The following PLAA variants were observed in gnomAD, a reference collection of about 807,000 sequenced individuals.
The protein encoded by PLAA is phospholipase A-2-activating protein.
In PLAA, 48 loss-of-function variants were observed where a neutral mutation model predicts 84.1. The ratio of observed to expected loss-of-function variants is 0.57; its 90% CI spans 0.45 to 0.73. The LOEUF is 0.73. PLAA is among the 30% of genes least tolerant of loss of function. PLAA has a pLI of 0.00. For missense variants in PLAA, 903 were observed against 954.7 expected (o/e 0.95, Z 0.71); for synonymous variants, 392 against 336.6 (o/e 1.16, Z -1.80).
intron 13 of PLAA, among the ~76,000 whole-genome samples, chr9:26,907,017 T>A (rs1587145711): frequency 1.6e-5 from 2 of 123,734 alleles, no homozygotes; most frequent in Admixed American, 8.9e-5. Context: ...GCAAAATCCA[T>A]AATATGGGAC....
At chr9:26,916,221 T>C in intron 10 of PLAA, 1 of 985,420 alleles carries the variant, frequency 1.0e-6, no homozygotes. Flanking sequence ...TTGTCATTTT[T>C]ATAGCTCACA....
Position 26,913,854 on chromosome 9 carries a change from AG to A in PLAA, c.1555+24del. ...AACGAATTTTTAAAATCTAAAAAAA[AG>A]AAAAAGAAATAAAAAGTATGTACCT... On this transcript the variant is annotated intron_variant, in intron 11 of 13. Coordinates refer to ENST00000397292, the MANE Select transcript of PLAA (RefSeq NM_001031689.3). 6 of 1,506,484 alleles carry A rather than the reference AG, an allele frequency of 4.0e-6. No homozygotes were observed. In the South Asian group the frequency reaches 6.3e-5, roughly 16 times the overall value. 93.3% of individuals were successfully genotyped at this position (1,506,484 alleles called of 1,614,324 possible).
At chr9:26,918,990 A>AAG (rs1824664920) in intron 9 of PLAA, among the ~76,000 whole-genome samples, 1 of 152,240 alleles carries the variant, frequency 6.6e-6, no homozygotes, top group Admixed American at 6.5e-5. Context: ...ATGTGAAAAA[A>AAG]AGATTTACTA....
At chr9:26,933,551 G>A (rs1240000594) in intron 2 of PLAA, among the ~76,000 whole-genome samples, 1 of 151,830 alleles carries the variant, frequency 6.6e-6, no homozygotes, top group East Asian at 1.9e-4. Flanking sequence ...CAATATGGAA[G>A]GCCGAGGGGG....
chr9:26,904,840 A>T lies in PLAA; in HGVS notation c.*671T>A, dbSNP rs1412971721. On this transcript the variant is annotated 3_prime_UTR_variant, in exon 14 of 14. Coordinates refer to ENST00000397292, the MANE Select transcript of PLAA (RefSeq NM_001031689.3). ...AAGTTACCTCAAATAGTGAAGGGCA[A>T]AAGAAACTGGATCTAAGCCTGGAGT... The T allele has an allele frequency of 6.6e-6, 1 of 152,412 alleles. No homozygotes were observed. The highest frequency in any genetic ancestry group is 1.5e-5 in the Non-Finnish European group (1 of 68,016). 9.4% of individuals were successfully genotyped at this position (152,412 alleles called of 1,614,324 possible).
intron 12 of PLAA, among the ~76,000 whole-genome samples, chr9:26,908,421 C>A (rs1824304440): frequency 6.6e-6 from 1 of 151,696 alleles, no homozygotes; most frequent in Non-Finnish European, 1.5e-5. Context: ...CCTCCTTAGC[C>A]TCCCGAAGTG....
At chr9:26,930,190 T>C (rs1053695298) in intron 2 of PLAA, among the ~76,000 whole-genome samples, 7 of 150,728 alleles carry the variant, frequency 4.6e-5, no homozygotes, top group East Asian at 2.0e-4. Flanking sequence ...CCGCAAGCTC[T>C]GCCTCCCGGG....
chr9:26,940,476 G>A (rs1273797047), intron 1 of PLAA, among the ~76,000 whole-genome samples: 1 of 152,164 alleles, frequency 6.6e-6, no homozygotes, highest in Non-Finnish European at 1.5e-5. Flanking sequence ...AAGTAGAATC[G>A]TGGTTGCCAG....
chr9:26,907,791 A>T, intron 13 of PLAA, 43 bp downstream of exon 13: 1 of 1,519,706 alleles, frequency 6.6e-7, no homozygotes. Context: ...TGAAGATAAA[A>T]CTTCTTGCTT....
intron 10 of PLAA, among the ~76,000 whole-genome samples, chr9:26,915,023 A>T (rs1164437449): frequency 6.6e-6 from 1 of 151,964 alleles, no homozygotes; most frequent in African/African-American, 2.4e-5. Flanking sequence ...GACCAGCCTG[A>T]CCAACATGGA....
chr9:26,926,685 CTT>C, intron 4 of PLAA, 125 bp from the exon 5 acceptor site: 1 of 668,580 alleles, frequency 1.5e-6, no homozygotes. Flanking sequence ...TTAGAGAAAT[CTT>C]TTTTTTTGTT....
intron 1 of PLAA, among the ~76,000 whole-genome samples, chr9:26,944,066 A>T (rs1825617891): frequency 6.6e-6 from 1 of 152,190 alleles, no homozygotes; most frequent in African/African-American, 2.4e-5. Context: ...AACCTTTAAG[A>T]GGTGATTAGA....
At chr9:26,939,484 C>CAAAA (rs58833364) in intron 1 of PLAA, among the ~76,000 whole-genome samples, 14 of 76,908 alleles carry the variant, frequency 1.8e-4, no homozygotes, top group Non-Finnish European at 3.4e-4. Flanking sequence ...GATGAGAGAC[C>CAAAA]AAAAAAAAAA....
intron 4 of PLAA, among the ~76,000 whole-genome samples, chr9:26,927,127 CT>C (rs10672584): frequency 4.6e-4 from 63 of 136,666 alleles, no homozygotes; most frequent in Admixed American, 3.8e-4. Flanking sequence ...TTTTGTTTTT[CT>C]TTTTTTTTTT....
Position 26,906,046 on chromosome 9 carries a change from C to A in PLAA, c.1853G>T (p.Arg618Leu). The change falls in exon 14 of 14, where the codon CGG becomes CTG. Residue 618 changes from arginine to leucine, a missense_variant. Transcript: ENST00000397292. ...CACACTGGGGTGTTTAATTGACAAC[C>A]GAAGAATGTCAAGTGCAGGAAAGAC... The part of the protein sequence containing the change: ...DIVFPALDIL[R>L]LSIKHPSVNE... 1 of 1,570,264 alleles carries A rather than the reference C, an allele frequency of 6.4e-7. No individual in the cohort carries two copies. Among genetic ancestry groups the A allele is most frequent in the Non-Finnish European group, 8.7e-7 (1 of 1,155,470 alleles).
chr9:26,923,810 T>C (rs1824849545), intron 6 of PLAA, among the ~76,000 whole-genome samples: 1 of 152,158 alleles, frequency 6.6e-6, no homozygotes, highest in African/African-American at 2.4e-5. Flanking sequence ...GGAAAAAAAA[T>C]GGCCTAATGT....
intron 2 of PLAA, among the ~76,000 whole-genome samples, chr9:26,932,661 C>T (rs564176840): frequency 1.4e-3 from 207 of 152,146 alleles, no homozygotes; most frequent in African/African-American, 4.7e-3. Context: ...AATGAAACAG[C>T]AGAATATCAG....
intron 11 of PLAA, among the ~76,000 whole-genome samples, chr9:26,911,297 C>T (rs867706754): frequency 6.6e-6 from 1 of 152,184 alleles, no homozygotes; most frequent in Admixed American, 6.5e-5. Context: ...GGATTACAGG[C>T]ATGAGCTACC....
At position 26,928,420 on chromosome 9, in the gene PLAA, A is replaced by G; in HGVS notation, c.344-12T>C. 2 of 1,499,448 alleles carry G rather than the reference A, an allele frequency of 1.3e-6. No homozygotes were observed. The highest frequency in any genetic ancestry group is 1.9e-6 in the Non-Finnish European group (2 of 1,075,450). The allele number at this position is 1,499,448 out of a possible 1,614,324, so 92.9% of individuals were successfully genotyped here. On this transcript the variant is annotated splice_polypyrimidine_tract_variant and intron_variant, in intron 2 of 13. Coordinates refer to ENST00000397292, the MANE Select transcript of PLAA (RefSeq NM_001031689.3). ...TGATAGACTACAAACTAAGGAAAAA[A>G]CATCATTGGATAACACATTTTCATA...
Sources: allele counts gnomAD v4.1 joint callset (sites outside exome capture counted in the v4.1 genomes callset), GRCh38; gene constraint gnomAD v4.1.1; transcripts MANE v1.5; gene names NCBI Gene and HGNC (gene_info 2026-07-23, HGNC 2026-07-21).